INSC: variants seen among roughly 807,000 people sequenced by gnomAD.
INSC encodes protein inscuteable homolog.
INSC carries 67 observed loss-of-function variants against 58.6 expected under a neutral mutation model. The ratio of observed to expected loss-of-function variants is 1.14; its 90% CI spans 0.94 to 1.40. INSC has a LOEUF of 1.40. Ranked by LOEUF, INSC falls within the 40% of genes most tolerant of loss-of-function variation. The pLI is 0.00. For synonymous variants in INSC, 262 were observed against 276.1 expected (o/e 0.95, Z 0.51); for missense variants, 714 against 692.0 (o/e 1.03, Z -0.36).
At chr11:15,124,414 AGGCTCCTTATTC>A (rs1334972476) in intron 1 of INSC, among the ~76,000 whole-genome samples, 2 of 152,182 alleles carry the variant, frequency 1.3e-5, no homozygotes, top group East Asian at 3.8e-4. Context: ...ATTAGAGATT[AGGCTCCTTATTC>A]AGGTAGATAT....
the INSC span, among the ~76,000 whole-genome samples, chr11:15,266,291 A>G: frequency 6.6e-6 from 1 of 151,848 alleles, no homozygotes; most frequent in Non-Finnish European, 1.5e-5. Context: ...GTTATTCAGG[A>G]TTTGAATTGC....
At chr11:15,112,591 AGTGTGTGTGTGTGTGTGTGT>A (rs375142839), upstream of INSC, 43 of 367,236 alleles carry the variant, frequency 1.2e-4, no homozygotes, top group African/African-American at 1.1e-3. Context: ...GGTGGATGTG[AGTGTGTGTGTGTGTGTGTGT>A]GTGTGTGTGT....
intron 1 of INSC, among the ~76,000 whole-genome samples, chr11:15,118,406 A>G (rs1847787829): frequency 6.6e-6 from 1 of 152,200 alleles, no homozygotes; most frequent in African/African-American, 2.4e-5. Flanking sequence ...GCTGGAGGGT[A>G]AAGCTTAGCA....
intron 5 of INSC, chr11:15,188,319 A>G (rs1182420280): frequency 5.1e-6 from 5 of 985,456 alleles, no homozygotes; most frequent in East Asian, 1.1e-4. Context: ...TGAGGCTTCA[A>G]TCTCCACTAG....
At chr11:15,145,742 G>T (rs1249281975) in intron 1 of INSC, among the ~76,000 whole-genome samples, 1 of 152,166 alleles carries the variant, frequency 6.6e-6, no homozygotes, top group African/African-American at 2.4e-5. Context: ...TGCAGTGTTT[G>T]CTTTTCTTCC....
At chr11:15,222,263 G>A (rs1265315417) in intron 8 of INSC, among the ~76,000 whole-genome samples, 2 of 152,180 alleles carry the variant, frequency 1.3e-5, no homozygotes, top group African/African-American at 2.4e-5. Flanking sequence ...AACTGAAAGC[G>A]CTTGTCTGGA....
intron 1 of INSC, among the ~76,000 whole-genome samples, chr11:15,126,671 C>G (rs1270423022): frequency 6.6e-6 from 1 of 152,150 alleles, no homozygotes; most frequent in East Asian, 1.9e-4. Context: ...GGAGGAATTT[C>G]TATGTTTTAT....
chr11:15,201,618 C>A (rs981919411), intron 7 of INSC, among the ~76,000 whole-genome samples: 4 of 152,220 alleles, frequency 2.6e-5, no homozygotes, highest in Non-Finnish European at 4.4e-5. Flanking sequence ...TCTACTTAGA[C>A]ATGAGTGAGT....
downstream of INSC, among the ~76,000 whole-genome samples, chr11:15,249,717 G>A (rs144184231): frequency 4.3e-3 from 653 of 152,308 alleles, 2 homozygotes; most frequent in African/African-American, 0.015. Context: ...TCCAGGGAAA[G>A]GTAGAAGAGT....
At chr11:15,169,039 C>T (rs1386246515) in intron 2 of INSC, among the ~76,000 whole-genome samples, 1 of 152,138 alleles carries the variant, frequency 6.6e-6, no homozygotes, top group Non-Finnish European at 1.5e-5. Flanking sequence ...AGTGTGCAGG[C>T]CTTGTTTGCT....
At chr11:15,126,634 G>A (rs974271731) in intron 1 of INSC, among the ~76,000 whole-genome samples, 1 of 152,092 alleles carries the variant, frequency 6.6e-6, no homozygotes, top group Non-Finnish European at 1.5e-5. Context: ...TTCAGAGAAA[G>A]GTCAAGCATC....
At chr11:15,229,979 T>TTATATA (rs1194544781) in intron 9 of INSC, among the ~76,000 whole-genome samples, 1 of 32,990 alleles carries the variant, frequency 3.0e-5, no homozygotes, top group African/African-American at 1.2e-4. Context: ...TATATATATA[T>TTATATA]TATATATATA....
chr11:15,241,636 C>T (rs867543145), intron 12 of INSC: 1 of 702,882 alleles, frequency 1.4e-6, no homozygotes, highest in East Asian at 2.7e-5. Context: ...TTTATTTTGG[C>T]ACATTCAAGG....
chr11:15,157,208 C>T (rs149305179), intron 2 of INSC, among the ~76,000 whole-genome samples: 4 of 152,284 alleles, frequency 2.6e-5, no homozygotes, highest in African/African-American at 9.6e-5. Context: ...ATCTTAATAG[C>T]ATCAACTTCA....
At chr11:15,159,185 G>T (rs566930545) in intron 2 of INSC, among the ~76,000 whole-genome samples, 4 of 152,296 alleles carry the variant, frequency 2.6e-5, no homozygotes, top group African/African-American at 7.2e-5. Flanking sequence ...AGGAGCCTGA[G>T]GCTTGGGAGT....
rs571864420 is a variant in INSC, at chr11:15,244,322, G to A, written c.1471-1590G>A. On this transcript the variant is annotated intron_variant, in intron 12 of 12. Transcript: ENST00000379556. ...GATGTGTGTGTTAGAGGCAGTTCTG[G>A]GGAGTCTACTTCCTGTTGCTAGGGT... 1.6e-3 allele frequency among the ~76,000 whole-genome samples: 236 copies of A among 152,196 alleles called. 2 individuals are homozygous for A. Among genetic ancestry groups the A allele is most frequent in the Non-Finnish European group, 2.1e-3 (142 of 67,992 alleles).
downstream of INSC, among the ~76,000 whole-genome samples, chr11:15,252,156 TAC>T (rs1344578492): frequency 6.6e-6 from 1 of 152,184 alleles, no homozygotes; most frequent in African/African-American, 2.4e-5. Context: ...GTTCCAAATA[TAC>T]GAGATGTACA....
chr11:15,244,608 C>G (rs1852489739), intron 12 of INSC, among the ~76,000 whole-genome samples: 1 of 152,076 alleles, frequency 6.6e-6, no homozygotes, highest in African/African-American at 2.4e-5. Flanking sequence ...GAGTCAGACT[C>G]CTGTGTGATG....
Position 15,176,023 on chromosome 11 carries a change from T to C in INSC, c.339T>C (p.His113=), listed in dbSNP as rs2133823774. Residue 113 remains histidine (H), a synonymous_variant, in exon 3 of 13, where the codon CAT becomes CAC. Coordinates refer to ENST00000379556, the MANE Select transcript of INSC (RefSeq NM_001042536.3). ...VHSMSVRLTC[H]ARSMVSEYSA... is the part of the protein sequence containing the mutation. The stretch of plus-strand genomic sequence containing the variant: ...GCATGAGCGTGCGTCTGACCTGCCA[T>C]GCCCGCTCCATGGTCAGCGAGTACA... 2 of 1,586,918 alleles carry C rather than the reference T, an allele frequency of 1.3e-6. No individual in the cohort carries two copies. The highest frequency in any genetic ancestry group is 1.7e-6 in the Non-Finnish European group (2 of 1,164,074).
Sources: gnomAD v4.1 joint callset for allele counts (sites outside exome capture counted in the v4.1 genomes callset) on GRCh38, gnomAD v4.1.1 for gene constraint, MANE v1.5 for transcripts, NCBI Gene and HGNC (gene_info 2026-07-23, HGNC 2026-07-21) for gene names.